TENM3: variants seen among roughly 807,000 people sequenced by gnomAD.
TENM3 encodes the protein teneurin-3.
Under a neutral mutation model 255.1 loss-of-function variants are expected in TENM3, and 63 were observed. The observed-to-expected ratio is 0.25, with a 90% confidence interval of 0.20 to 0.30. The LOEUF (loss-of-function observed/expected upper bound fraction) is 0.30. Ranked by LOEUF, TENM3 falls within the 10% of genes least tolerant of loss-of-function variation. The pLI is 1.00. For synonymous variants in TENM3, 1,306 were observed against 1,322.3 expected, an observed-to-expected ratio of 0.99 and a Z score of 0.27; for missense variants, 2,929 against 3,461.1, an observed-to-expected ratio of 0.85 and a Z score of 3.86.
rs749365911 is a variant in TENM3, at chr4:182,752,019, C to T, written c.3849C>T (p.Leu1283=). The T allele has an allele frequency of 6.2e-7, 1 of 1,603,810 alleles. No homozygotes were observed. The highest frequency in any genetic ancestry group is 2.2e-5 in the East Asian group (1 of 44,596). The change falls in exon 20 of 28, where the codon CTC becomes CTT. Residue 1283 remains leucine (L), a synonymous_variant. Coordinates refer to ENST00000511685, the MANE Select transcript of TENM3 (RefSeq NM_001080477.4). ...GAGGGAAGGCCGTGGAAGCCACACT[C>T]ATGAGTCCCAAAGGTACCGGCAGTT... ...GDGGKAVEAT[L]MSPKGMAVDK...
the TENM3 span, among the ~76,000 whole-genome samples, chr4:182,081,458 C>A: frequency 6.6e-6 from 1 of 151,896 alleles, no homozygotes; most frequent in Non-Finnish European, 1.5e-5. Flanking sequence ...GTGGCACGTG[C>A]CTGTAGTCCC....
At chr4:182,363,621 A>T (rs1766192383) in intron 3 of TENM3, among the ~76,000 whole-genome samples, 1 of 152,134 alleles carries the variant, frequency 6.6e-6, no homozygotes, top group South Asian at 2.1e-4. Context: ...CATTATTTTA[A>T]AGAATATGTA....
chr4:182,603,174 A>G (rs1748064699), intron 4 of TENM3, among the ~76,000 whole-genome samples: 1 of 152,188 alleles, frequency 6.6e-6, no homozygotes, highest in Non-Finnish European at 1.5e-5. Flanking sequence ...GCCATATGTG[A>G]AATTGTAGCT....
At chr4:182,142,615 A>G (rs1749529020), upstream of TENM3, 1 of 167,320 alleles carries the variant, frequency 6.0e-6, no homozygotes, top group South Asian at 2.1e-4. Context: ...TGAAGCTGAA[A>G]GTGGAGGGTG....
intron 3 of TENM3, among the ~76,000 whole-genome samples, chr4:182,471,558 T>C (rs1009875832): frequency 1.3e-5 from 2 of 152,132 alleles, no homozygotes; most frequent in Non-Finnish European, 2.9e-5. Context: ...AAATATAATA[T>C]TACAATCTTA....
At chr4:182,180,126 AAG>A (rs912552755) in intron 1 of TENM3, among the ~76,000 whole-genome samples, 18 of 137,804 alleles carry the variant, frequency 1.3e-4, no homozygotes, top group African/African-American at 4.4e-4. Flanking sequence ...AAAAAAATCG[AAG>A]AGTTTTTTTT....
At chr4:182,278,092 C>A (rs1019929347) in intron 1 of TENM3, among the ~76,000 whole-genome samples, 2 of 152,154 alleles carry the variant, frequency 1.3e-5, no homozygotes, top group African/African-American at 4.8e-5. Context: ...AGCAGCCAGG[C>A]ACGGTGGCTC....
chr4:182,081,339 AC>A, the TENM3 span, among the ~76,000 whole-genome samples: 1 of 151,992 alleles, frequency 6.6e-6, no homozygotes, highest in African/African-American at 2.4e-5. Flanking sequence ...TAATCCCAGC[AC>A]TTTGGAAGGC....
rs561354790 is a variant in TENM3 at position 182,359,784 on chromosome 4, A to C, written c.511+12855A>C. 1.4e-4 allele frequency among the ~76,000 whole-genome samples: 21 copies of C among 152,000 alleles called. No individual in the cohort carries two copies. The East Asian group carries it at 3.7e-3, about 27-fold the overall frequency. On this transcript the variant is annotated intron_variant, in intron 3 of 27. Transcript: ENST00000511685. ...TAGCTTTTGAATGTGTTTGGCTCTT[A>C]CTTTTCTAGTTCTTTTAATTGTGAT...
the TENM3 span, among the ~76,000 whole-genome samples, chr4:181,754,425 C>T: frequency 6.6e-6 from 1 of 151,692 alleles, no homozygotes; most frequent in Non-Finnish European, 1.5e-5. Flanking sequence ...AAACACTATG[C>T]TTTAGATGTT....
At chr4:182,641,350 T>C (rs1218873566) in intron 5 of TENM3, among the ~76,000 whole-genome samples, 1 of 152,242 alleles carries the variant, frequency 6.6e-6, no homozygotes, top group Non-Finnish European at 1.5e-5. Flanking sequence ...CATATTTCAA[T>C]AGTTGGATCT....
At chr4:182,464,312 A>C (rs554070764) in intron 3 of TENM3, among the ~76,000 whole-genome samples, 1 of 152,280 alleles carries the variant, frequency 6.6e-6, no homozygotes, top group East Asian at 1.9e-4. Flanking sequence ...GCTAGAGTGC[A>C]GTGGTGCAAT....
chr4:182,380,832 G>T (rs781305333), intron 3 of TENM3, among the ~76,000 whole-genome samples: 42 of 152,178 alleles, frequency 2.8e-4, no homozygotes, highest in Admixed American at 7.9e-4. Context: ...GTTAACCCAG[G>T]CTTTGGCTAA....
chr4:181,935,882 C>T, the TENM3 span, among the ~76,000 whole-genome samples: 6 of 152,130 alleles, frequency 3.9e-5, no homozygotes, highest in Admixed American at 1.3e-4. Context: ...CCATTATAGT[C>T]GCTTTCCAGA....
At chr4:181,892,790 C>A in the TENM3 span, among the ~76,000 whole-genome samples, 1 of 152,146 alleles carries the variant, frequency 6.6e-6, no homozygotes, top group Admixed American at 6.6e-5. Flanking sequence ...TGAATTGCCT[C>A]TGAATGACAC....
chr4:181,979,370 G>A, the TENM3 span, among the ~76,000 whole-genome samples: 1 of 151,452 alleles, frequency 6.6e-6, no homozygotes, highest in African/African-American at 2.4e-5. Context: ...TCCTGTTATA[G>A]CTCTACTTTT....
At chr4:182,525,622 C>G (rs1157005826) in intron 3 of TENM3, among the ~76,000 whole-genome samples, 1 of 152,212 alleles carries the variant, frequency 6.6e-6, no homozygotes, top group Non-Finnish European at 1.5e-5. Context: ...TATGTACACC[C>G]GTCCCTCTGA....
chr4:182,509,576 G>A (rs896017008), intron 3 of TENM3, among the ~76,000 whole-genome samples: 1 of 152,166 alleles, frequency 6.6e-6, no homozygotes, highest in Non-Finnish European at 1.5e-5. Flanking sequence ...GAAGAATTGA[G>A]TATCTCTTCT....
the TENM3 span, among the ~76,000 whole-genome samples, chr4:181,792,216 G>A: frequency 2.6e-5 from 4 of 152,192 alleles, no homozygotes; most frequent in South Asian, 2.1e-4. Flanking sequence ...AAGCTCAGGA[G>A]AATATCCTTA....
Sources: gnomAD v4.1 joint callset for allele counts (sites outside exome capture counted in the v4.1 genomes callset) on GRCh38, gnomAD v4.1.1 for gene constraint, MANE v1.5 for transcripts, NCBI Gene and HGNC (gene_info 2026-07-23, HGNC 2026-07-21) for gene names.